The following PRKX variants were observed in gnomAD, a reference collection of about 807,000 sequenced individuals.
PRKX encodes protein kinase cAMP-dependent X-linked catalytic subunit.
A neutral mutation model predicts 22.0 loss-of-function variants in PRKX; 12 were observed. The ratio of observed to expected loss-of-function variants is 0.54; its 90% CI spans 0.35 to 0.88. The LOEUF (loss-of-function observed/expected upper bound fraction) is 0.88. Among genes scored for constraint, PRKX ranks in the 40% least tolerant of loss-of-function variants. The pLI is 0.01. For synonymous variants in PRKX, 134 were observed against 137.7 expected (o/e 0.97, Z 0.19); for missense variants, 217 against 308.0 (o/e 0.70, Z 2.21).
intron 5 of PRKX, among the ~76,000 whole-genome samples, chrX:3,626,203 C>G (rs1194277019): frequency 8.9e-6 from 1 of 112,201 alleles, no homozygotes; most frequent in Admixed American, 9.5e-5. Context: ...CAAAAGAACA[C>G]AATACGGCCA....
In PRKX at chrX:3,673,950, G is replaced by A. The variant is rs761765315; in HGVS notation, c.335+648C>T. Among the ~76,000 whole-genome samples, 67 of 111,016 alleles carry A rather than the reference G, an allele frequency of 6.0e-4. 1 individual carries two copies. Among genetic ancestry groups the A allele is most frequent in the Non-Finnish European group, 9.2e-4 (49 of 52,977 alleles). On this transcript the variant is annotated intron_variant, in intron 2 of 8. Transcript: ENST00000262848. Reference sequence around the variant, plus strand: ...AGGCGCCATCTATGAACCAGGAAGCGGGTCCTCGCCAGACACTGAATCCAC... The same window carrying A: ...AGGCGCCATCTATGAACCAGGAAGCAGGTCCTCGCCAGACACTGAATCCAC...
rs375785948 is a variant in PRKX, at chrX:3,674,285, G to A, written c.335+313C>T. ...CTATAGATGCAGAACCCAAGGAGGT[G>A]AGGAGACAAAGATTTCTGCATCCTT... On this transcript the variant is annotated intron_variant, in intron 2 of 8. Coordinates refer to ENST00000262848, the MANE Select transcript of PRKX (RefSeq NM_005044.5). Among the ~76,000 whole-genome samples, 4 of 111,700 alleles carry A rather than the reference G, an allele frequency of 3.6e-5. No homozygotes were observed. In the East Asian group the frequency reaches 1.1e-3, roughly 31 times the overall value.
At chrX:3,692,946 G>A (rs775345404) in intron 1 of PRKX, among the ~76,000 whole-genome samples, 3 of 111,182 alleles carry the variant, frequency 2.7e-5, no homozygotes, top group African/African-American at 9.8e-5. Flanking sequence ...ACAATGAAGT[G>A]GTTTATGCAG....
chrX:3,677,327 CTTTTTTTTTT>C (rs532175668), intron 1 of PRKX, among the ~76,000 whole-genome samples: 2 of 90,650 alleles, frequency 2.2e-5, no homozygotes, highest in South Asian at 9.8e-4. Flanking sequence ...ATTGTTTTGT[CTTTTTTTTTT>C]TTTTTTTTTG....
chrX:3,668,725 G>A (rs527707775), intron 2 of PRKX, among the ~76,000 whole-genome samples: 3 of 112,060 alleles, frequency 2.7e-5, no homozygotes, highest in South Asian at 3.7e-4. Context: ...GGCTTGGCTC[G>A]GCTGCTGTGC....
chrX:3,655,303 C>T lies in PRKX; in HGVS notation c.445G>A (p.Gly149Arg). The change falls in exon 3 of 9, where the codon GGG (glycine) becomes AGG (arginine). Residue 149 changes from glycine (G) to arginine (R), a missense_variant. Transcript: ENST00000262848. The part of the protein sequence containing the change: ...RNRGRFSSTT[G>R]LFYSAEIICA... The stretch of plus-strand genomic sequence containing the variant: ...ATGATCTCTGCAGAGTAGAAGAGCC[C>T]CGTGGTGCTGGAGAAGCGCCCCCGG... 8.3e-7 allele frequency: 1 copy of T among 1,211,919 alleles called. No homozygotes were observed. The highest frequency in any genetic ancestry group is 1.1e-6 in the Non-Finnish European group (1 of 895,560).
chrX:3,653,707 TAATA>T (rs1927392929), intron 3 of PRKX, among the ~76,000 whole-genome samples: 1 of 65,775 alleles, frequency 1.5e-5, no homozygotes, highest in Admixed American at 2.7e-4. Context: ...GTGATATATA[TAATA>T]TATATAATAT....
chrX:3,622,777 T>C (rs747623753), intron 5 of PRKX, among the ~76,000 whole-genome samples: 4 of 111,422 alleles, frequency 3.6e-5, no homozygotes, highest in Non-Finnish European at 5.6e-5. Context: ...ACCTAAAAGT[T>C]AGAAACCTTT....
chrX:3,658,137 C>T (rs1927519297), intron 2 of PRKX, among the ~76,000 whole-genome samples: 1 of 110,202 alleles, frequency 9.1e-6, no homozygotes, highest in Non-Finnish European at 1.9e-5. Context: ...ATTATAGGCG[C>T]CCACCACCAC....
In PRKX at chrX:3,674,766, C is replaced by T. The variant is rs2146595246; in HGVS notation, c.167G>A (p.Gly56Asp). The T allele has an allele frequency of 8.3e-7, 1 of 1,210,125 alleles. No individual in the cohort carries two copies. The highest frequency in any genetic ancestry group is 1.1e-6 in the Non-Finnish European group (1 of 893,919). ...LQDFDTLATV[G>D]TGTFGRVHLV... is the part of the protein sequence containing the mutation. ...GTGCACCCGCCCGAACGTCCCAGTG[C>T]CTGGAGAGAGAAGAAATCGACAGAG... The change falls in exon 2 of 9, where the codon GGC becomes GAC. Residue 56 changes from glycine to aspartate, a missense_variant and splice_region_variant. Gly to Asp is a moderately conservative substitution (Grantham distance 94). Transcript: ENST00000262848.
chrX:3,642,949 G>C (rs1317612137), intron 3 of PRKX, among the ~76,000 whole-genome samples: 102 of 86,100 alleles, frequency 1.2e-3, no homozygotes, highest in Non-Finnish European at 1.8e-3. Flanking sequence ...AGTGAGCCAA[G>C]AATGCGCCAC....
At chrX:3,699,462 C>T (rs1928513371) in intron 1 of PRKX, among the ~76,000 whole-genome samples, 1 of 111,657 alleles carries the variant, frequency 9.0e-6, no homozygotes, top group Non-Finnish European at 1.9e-5. Context: ...AAGTGATTCT[C>T]TCACGTCAGC....
In PRKX at chrX:3,612,560, G is replaced by A. The variant is rs145711111; in HGVS notation, c.952-235C>T. On this transcript the variant is annotated intron_variant, in intron 7 of 8. Transcript: ENST00000262848. The stretch of plus-strand genomic sequence containing the variant: ...CCAACACTTTAAGAAGGTGAGGCGG[G>A]AGGGTTGCTTGAGCCTCAGAAGTTT... 7.7e-3 allele frequency among the ~76,000 whole-genome samples: 862 copies of A among 111,401 alleles called. 6 individuals carry two copies. Among genetic ancestry groups the A allele is most frequent in the Non-Finnish European group, 0.01 (534 of 53,061 alleles).
chrX:3,612,360 A>G, intron 7 of PRKX, 35 bp from the exon 8 acceptor site: 1 of 1,192,448 alleles, frequency 8.4e-7, no homozygotes, highest in Non-Finnish European at 1.1e-6. Flanking sequence ...AGGCATGGTT[A>G]GAAAGGGACG....
intron 2 of PRKX, among the ~76,000 whole-genome samples, chrX:3,671,577 C>T (rs1927847330): frequency 1.8e-5 from 2 of 111,883 alleles, no homozygotes; most frequent in African/African-American, 6.5e-5. Context: ...AGCTCACATT[C>T]GACTGTAACC....
In PRKX at chrX:3,606,458, AGCCT is replaced by A. The variant is rs1311027438; in HGVS notation, c.*2507_*2510del. On this transcript the variant is annotated 3_prime_UTR_variant, in exon 9 of 9. Coordinates refer to ENST00000262848, the MANE Select transcript of PRKX (RefSeq NM_005044.5). ...CAGTGGCACGATCTCGGCTTACTGC[AGCCT>A]CTGCCTCCCGGGTTCAAGCGATTCT... The A allele has an allele frequency of 1.8e-5, 2 of 111,627 alleles. No homozygotes were observed. Among genetic ancestry groups the A allele is most frequent in the African/African-American group, 6.5e-5 (2 of 30,672 alleles). The allele number at this position is 111,627 out of a possible 1,213,427, so 9.2% of individuals were successfully genotyped here.
intron 1 of PRKX, among the ~76,000 whole-genome samples, chrX:3,678,062 G>A (rs1026676583): frequency 1.8e-5 from 2 of 111,758 alleles, no homozygotes; most frequent in African/African-American, 6.5e-5. Context: ...AACTGATACA[G>A]TTTAGGTGTT....
intron 3 of PRKX, among the ~76,000 whole-genome samples, chrX:3,642,413 A>T (rs986961120): frequency 1.8e-5 from 2 of 110,422 alleles, no homozygotes. Flanking sequence ...TGTATGTGGG[A>T]GCTAAACACT....
intron 1 of PRKX, among the ~76,000 whole-genome samples, chrX:3,694,185 G>A (rs1036033026): frequency 5.6e-5 from 6 of 107,957 alleles, no homozygotes; most frequent in East Asian, 2.9e-4. Context: ...ACAGGAGTTC[G>A]AGACCAGCCT....
Sources: allele counts gnomAD v4.1 joint callset (sites outside exome capture counted in the v4.1 genomes callset), GRCh38; gene constraint gnomAD v4.1.1; transcripts MANE v1.5; gene names NCBI Gene and HGNC (gene_info 2026-07-23, HGNC 2026-07-21).